The following FHAD1 variants were observed in gnomAD, a reference collection of about 807,000 sequenced individuals.
FHAD1 encodes forkhead-associated domain-containing protein 1.
Under a neutral mutation model 191.3 loss-of-function variants are expected in FHAD1, and 146 were observed. The ratio of observed to expected loss-of-function variants is 0.76; its 90% CI spans 0.67 to 0.88. The LOEUF (loss-of-function observed/expected upper bound fraction) is 0.88, where lower values mean the gene tolerates loss of function less well. Ranked by LOEUF, FHAD1 falls within the 40% of genes least tolerant of loss-of-function variation. The pLI is 0.00. For missense variants in FHAD1, 1,635 were observed against 1,785.8 expected, an observed-to-expected ratio of 0.92 and a Z score of 1.52; for synonymous variants, 616 against 672.3, an observed-to-expected ratio of 0.92 and a Z score of 1.29.
chr1:15,372,202 G>A (rs1461654630), intron 26 of FHAD1, among the ~76,000 whole-genome samples: 1 of 151,220 alleles, frequency 6.6e-6, no homozygotes, highest in Non-Finnish European at 1.5e-5. Flanking sequence ...AGAGCCAGAA[G>A]GAAGGAAGGG....
rs1701021356 is a variant in FHAD1, at chr1:15,381,970, T to C, written c.4023-58T>C. The C allele has an allele frequency of 3.9e-6, 6 of 1,529,834 alleles. No homozygotes were observed. Among genetic ancestry groups the C allele is most frequent in the Non-Finnish European group, 5.3e-6 (6 of 1,131,524 alleles). 94.8% of individuals were successfully genotyped at this position (1,529,834 alleles called of 1,614,324 possible). On this transcript the variant is annotated intron_variant, in intron 30 of 33. Coordinates refer to ENST00000688493, the MANE Select transcript of FHAD1 (RefSeq NM_001391957.1). The surrounding 1 kb of genome is among the most constrained non-coding windows in gnomAD (Gnocchi z 4.6). ...TTGAGAGACTTCCGGGTCTGGCACA[T>C]TGATGATGATTGGGAAAGATAAGGG...
Position 15,251,675 on chromosome 1 carries a change from G to C in FHAD1, c.-14-96G>C, listed in dbSNP as rs28369343. 1,256 of 943,896 alleles carry C rather than the reference G, an allele frequency of 1.3e-3. 12 individuals carry two copies. The African/African-American group carries it at 0.019, about 14-fold the overall frequency. 58.5% of individuals were successfully genotyped at this position (943,896 alleles called of 1,614,324 possible). On this transcript the variant is annotated intron_variant, in intron 1 of 33. Coordinates refer to ENST00000688493, the MANE Select transcript of FHAD1 (RefSeq NM_001391957.1). ...TCTTCTGATTTCTCACTTTGGACAT[G>C]ACTCTGTGGTTATTTCATTCATTTT...
chr1:15,305,368 C>T (rs1378305674), intron 6 of FHAD1, among the ~76,000 whole-genome samples: 1 of 152,196 alleles, frequency 6.6e-6, no homozygotes, highest in Admixed American at 6.5e-5. Flanking sequence ...GAGTCCCTAC[C>T]ATGCTCCACG....
At chr1:15,353,116 A>T in intron 20 of FHAD1, 132 bp downstream of exon 20, 1 of 641,660 alleles carries the variant, frequency 1.6e-6, no homozygotes, top group Non-Finnish European at 2.8e-6. Context: ...GTACCTTACC[A>T]TCTCTGTGCC....
At chr1:15,279,090 G>T (rs1024288430) in intron 3 of FHAD1, among the ~76,000 whole-genome samples, 1 of 152,010 alleles carries the variant, frequency 6.6e-6, no homozygotes, top group Non-Finnish European at 1.5e-5. Flanking sequence ...TGGTTCCTTG[G>T]TCTTAAGTCA....
At chr1:15,308,548 G>A in intron 6 of FHAD1, 65 bp from the exon 7 acceptor site, 4 of 1,530,330 alleles carry the variant, frequency 2.6e-6, no homozygotes, top group Non-Finnish European at 2.6e-6. Flanking sequence ...AAGCTTGTGA[G>A]AAGTACCTGT....
chr1:15,249,746 C>G (rs2489671), intron 1 of FHAD1, among the ~76,000 whole-genome samples: 44,182 of 151,864 alleles, frequency 0.29, 7,452 homozygotes, highest in Non-Finnish European at 0.39. Flanking sequence ...GACAACCCCA[C>G]TATCCCAAGT....
upstream of FHAD1, among the ~76,000 whole-genome samples, chr1:15,245,897 C>T (rs992750406): frequency 6.6e-6 from 1 of 152,250 alleles, no homozygotes; most frequent in African/African-American, 2.4e-5. Context: ...AGCATCTTCA[C>T]TGTATATTCC....
chr1:15,256,510 G>A (rs1018297321), intron 2 of FHAD1, among the ~76,000 whole-genome samples: 10 of 151,908 alleles, frequency 6.6e-5, no homozygotes, highest in African/African-American at 1.2e-4. Flanking sequence ...AAAATTAGCC[G>A]GGTGTGGTGG....
At chr1:15,241,659 CAACAAAA>C (rs1176936161) in intron 1 of FHAD1, among the ~76,000 whole-genome samples, 3 of 109,410 alleles carry the variant, frequency 2.7e-5, no homozygotes, top group South Asian at 3.6e-4. Context: ...AAAAAACAAA[CAACAAAA>C]AAACAAACAA....
intron 14 of FHAD1, among the ~76,000 whole-genome samples, chr1:15,337,525 G>A (rs765187556): frequency 6.6e-5 from 10 of 152,176 alleles, no homozygotes; most frequent in Non-Finnish European, 1.2e-4. Context: ...ATCCAGGATC[G>A]TCTGGCGACA....
intron 20 of FHAD1, among the ~76,000 whole-genome samples, chr1:15,353,431 G>A (rs774723998): frequency 7.2e-4 from 109 of 152,230 alleles, no homozygotes; most frequent in Admixed American, 1.4e-3. Flanking sequence ...TTGGCTGGGC[G>A]CGGTGGCTCG....
intron 26 of FHAD1, among the ~76,000 whole-genome samples, chr1:15,371,109 A>C (rs575344490): frequency 6.6e-6 from 1 of 152,318 alleles, no homozygotes; most frequent in Admixed American, 6.5e-5. Context: ...TCCGTGGGGC[A>C]GGGGGTGTGT....
intron 1 of FHAD1, among the ~76,000 whole-genome samples, chr1:15,238,703 A>G (rs770552085): frequency 6.6e-6 from 1 of 152,190 alleles, no homozygotes; most frequent in South Asian, 2.1e-4. Flanking sequence ...CTGTTTCTTT[A>G]TAGGATAAAT....
At chr1:15,365,502 G>A (rs1311446336) in intron 23 of FHAD1, among the ~76,000 whole-genome samples, 2 of 24,150 alleles carry the variant, frequency 8.3e-5, no homozygotes, top group East Asian at 8.5e-4. Context: ...TTTTTTTTTT[G>A]TAGAGACGGG....
In FHAD1 at chr1:15,316,705, A is replaced by G. The variant is rs1161786904; in HGVS notation, c.1260+238A>G. On this transcript the variant is annotated intron_variant, in intron 9 of 33. Transcript: ENST00000688493. This position sits in a 1 kb window ranked among gnomAD's most constrained non-coding sequence, Gnocchi z 4.3. ...TCCCTCAAGGGTTTCCCCTGGGGCC[A>G]GGTTGGGGTTGAGACCGGGGACAGG... Among the ~76,000 whole-genome samples the G allele has an allele frequency of 6.6e-6, 1 of 152,208 alleles. No homozygotes were observed. The highest frequency in any genetic ancestry group is 1.5e-5 in the Non-Finnish European group (1 of 68,028).
chr1:15,262,869 T>C (rs1276801801), intron 2 of FHAD1, among the ~76,000 whole-genome samples: 1 of 152,258 alleles, frequency 6.6e-6, no homozygotes, highest in African/African-American at 2.4e-5. Flanking sequence ...TATTACATTT[T>C]TGAGGAACCA....
intron 28 of FHAD1, among the ~76,000 whole-genome samples, chr1:15,378,738 G>A (rs1303936344): frequency 1.3e-5 from 2 of 152,054 alleles, no homozygotes; most frequent in African/African-American, 4.8e-5. Flanking sequence ...TTAGATTTTT[G>A]TGAATGGGTT....
At chr1:15,237,867 TG>T (rs1435587579) in intron 1 of FHAD1, among the ~76,000 whole-genome samples, 1 of 152,040 alleles carries the variant, frequency 6.6e-6, no homozygotes, top group Non-Finnish European at 1.5e-5. Flanking sequence ...TGAGAAGAAA[TG>T]TCCAGCGTGA....
Sources: gnomAD v4.1 joint callset for allele counts (sites outside exome capture counted in the v4.1 genomes callset) on GRCh38, gnomAD v4.1.1 for gene constraint, Gnocchi (gnomAD v3.1) non-coding constraint, MANE v1.5 for transcripts, NCBI Gene and HGNC (gene_info 2026-07-23, HGNC 2026-07-21) for gene names.